The following CFAP20DC variants were observed in gnomAD, a reference collection of about 807,000 sequenced individuals.
CFAP20DC encodes the protein CFAP20 domain containing.
Under a neutral mutation model 101.7 loss-of-function variants are expected in CFAP20DC, and 84 were observed. That is an observed-to-expected ratio of 0.83 (90% CI 0.69 to 0.99). The LOEUF is 0.99. Ranked by LOEUF, CFAP20DC falls within the 50% of genes least tolerant of loss-of-function variation. The probability of loss-of-function intolerance (pLI) is 0.00; values close to 1 mark genes in which losing one functional copy is unlikely to be tolerated. For synonymous variants in CFAP20DC, 359 were observed against 351.2 expected (o/e 1.02, Z -0.25); for missense variants, 1,007 against 970.3 (o/e 1.04, Z -0.50).
At chr3:58,909,488 C>T (rs1576261855) in intron 6 of CFAP20DC, among the ~76,000 whole-genome samples, 1 of 152,274 alleles carries the variant, frequency 6.6e-6, no homozygotes, top group East Asian at 1.9e-4. Context: ...TCCATTAGCA[C>T]TACAACACCA....
chr3:58,932,344 A>T (rs1480868652), intron 5 of CFAP20DC, among the ~76,000 whole-genome samples: 2 of 152,190 alleles, frequency 1.3e-5, no homozygotes, highest in Non-Finnish European at 2.9e-5. Flanking sequence ...GTTGGAAAAC[A>T]CTCTGCAGGA....
chr3:58,736,159 T>C (rs891824702), intron 3 of CFAP20DC, among the ~76,000 whole-genome samples: 3 of 152,138 alleles, frequency 2.0e-5, no homozygotes, highest in South Asian at 2.1e-4. Context: ...ACACAAGTAT[T>C]GGAGGGAAAA....
At chr3:59,042,768 T>C (rs1576818678) in intron 3 of CFAP20DC, among the ~76,000 whole-genome samples, 1 of 152,116 alleles carries the variant, frequency 6.6e-6, no homozygotes, top group East Asian at 1.9e-4. Context: ...GGAGACCAAT[T>C]AGGTTACTAC....
rs553604926 is a variant in CFAP20DC, at chr3:59,047,536, G to A, written c.22-282C>T. Among the ~76,000 whole-genome samples, 112 of 152,230 alleles carry A rather than the reference G, an allele frequency of 7.4e-4. 2 individuals are homozygous for A. Among genetic ancestry groups the A allele is most frequent in the African/African-American group, 2.6e-3 (110 of 41,554 alleles). ...CCTACAGTATCTCAGTGGGGGACTC[G>A]TTTACTTGACACATACAGATCATTC... On this transcript the variant is annotated intron_variant, in intron 1 of 16. Transcript: ENST00000482387.
chr3:58,815,761 G>T (rs1309524179), intron 14 of CFAP20DC, among the ~76,000 whole-genome samples: 2 of 149,952 alleles, frequency 1.3e-5, no homozygotes, highest in Non-Finnish European at 3.0e-5. Context: ...ATGAAAAAAT[G>T]CTCATCATCA....
At chr3:58,823,423 C>G (rs1046327629) in intron 14 of CFAP20DC, among the ~76,000 whole-genome samples, 2 of 152,130 alleles carry the variant, frequency 1.3e-5, no homozygotes, top group African/African-American at 4.8e-5. Context: ...CAACCAGTAT[C>G]TACAATGAAC....
At chr3:58,921,341 G>T (rs2085344641) in intron 5 of CFAP20DC, among the ~76,000 whole-genome samples, 1 of 151,468 alleles carries the variant, frequency 6.6e-6, no homozygotes, top group African/African-American at 2.4e-5. Context: ...TTAATTTTAA[G>T]ACTTTTTTCT....
chr3:58,848,675 A>G (rs2077948064), intron 13 of CFAP20DC, among the ~76,000 whole-genome samples: 1 of 152,172 alleles, frequency 6.6e-6, no homozygotes, highest in Non-Finnish European at 1.5e-5. Context: ...GTTATTGAAA[A>G]TCTGTCAATT....
chr3:58,764,673 A>G (rs534435630), intron 15 of CFAP20DC, among the ~76,000 whole-genome samples: 1 of 152,104 alleles, frequency 6.6e-6, no homozygotes, highest in East Asian at 1.9e-4. Context: ...CCACCCGACT[A>G]TAATCCTTTT....
At chr3:58,944,687 T>G (rs2107903905) in intron 4 of CFAP20DC, among the ~76,000 whole-genome samples, 1 of 152,320 alleles carries the variant, frequency 6.6e-6, no homozygotes, top group South Asian at 2.1e-4. Flanking sequence ...AGATAATACT[T>G]GTTTCTCTGC....
intron 3 of CFAP20DC, chr3:58,726,258 A>G (rs1374337659): frequency 6.6e-6 from 1 of 152,104 alleles, no homozygotes; most frequent in Non-Finnish European, 1.5e-5. Context: ...CATAGATGGG[A>G]TTTTTTGCTC....
chr3:58,921,556 T>C (rs1256441654), intron 5 of CFAP20DC, among the ~76,000 whole-genome samples: 1 of 152,198 alleles, frequency 6.6e-6, no homozygotes, highest in African/African-American at 2.4e-5. Flanking sequence ...TCCAATTATC[T>C]TTTTTATTGA....
In CFAP20DC at chr3:59,001,126, G is replaced by A. The variant is rs575890662; in HGVS notation, c.278+38431C>T. On this transcript the variant is annotated intron_variant, in intron 4 of 16. Transcript: ENST00000482387. This position sits in a 1 kb window ranked among gnomAD's most constrained non-coding sequence, Gnocchi z 4.5. ...AAGAGAGCAAATTCAAAGAGCTGAA[G>A]CCTGCCAAAGGGAAAGAGAAAGAAA... Among the ~76,000 whole-genome samples, 6 of 152,160 alleles carry A rather than the reference G, an allele frequency of 3.9e-5. No individual in the cohort carries two copies. The highest frequency in any genetic ancestry group is 5.9e-5 in the Non-Finnish European group (4 of 68,020).
chr3:58,918,299 C>G (rs1326251160), intron 5 of CFAP20DC, among the ~76,000 whole-genome samples: 1 of 152,050 alleles, frequency 6.6e-6, no homozygotes, highest in African/African-American at 2.4e-5. Context: ...CTTTGAAGTT[C>G]AAGGCATTGC....
intron 3 of CFAP20DC, among the ~76,000 whole-genome samples, chr3:59,043,614 G>GAGACAC (rs1699604177): frequency 1.3e-5 from 2 of 151,918 alleles, no homozygotes; most frequent in South Asian, 4.2e-4. Context: ...CTACTCCCCC[G>GAGACAC]AGACACATCA....
Position 58,724,475 on chromosome 3 carries a change from G to A in CFAP20DC, c.198-6847C>T, listed in dbSNP as rs2067519870. ...GAGAAAGGCACTCCTTTGAAGCACT[G>A]GAATGTGGACAGACGTGTGGGCTCC... On this transcript the variant is annotated intron_variant, in intron 3 of 3. Coordinates refer to the CFAP20DC transcript ENST00000486145. The surrounding 1 kb of genome is among the most constrained non-coding windows in gnomAD (Gnocchi z 5.6). 6.6e-6 allele frequency among the ~76,000 whole-genome samples: 1 copy of A among 152,128 alleles called. No homozygotes were observed. Among genetic ancestry groups the A allele is most frequent in the Admixed American group, 6.6e-5 (1 of 15,266 alleles).
At chr3:58,988,358 A>C (rs552595768) in intron 4 of CFAP20DC, among the ~76,000 whole-genome samples, 2 of 152,278 alleles carry the variant, frequency 1.3e-5, no homozygotes, top group African/African-American at 4.8e-5. Flanking sequence ...CAAAGTAATA[A>C]ATAACTCCCA....
chr3:59,030,746 T>C (rs752772323), intron 4 of CFAP20DC, among the ~76,000 whole-genome samples: 1 of 152,240 alleles, frequency 6.6e-6, no homozygotes, highest in Non-Finnish European at 1.5e-5. Context: ...AACTGCTCTC[T>C]GGCTAGGACT....
intron 15 of CFAP20DC, among the ~76,000 whole-genome samples, chr3:58,757,398 G>A (rs1273272720): frequency 1.3e-5 from 2 of 151,894 alleles, no homozygotes; most frequent in East Asian, 3.9e-4. Context: ...ATATATATAT[G>A]CATGTGCCAT....
Sources: gnomAD v4.1 joint callset for allele counts (sites outside exome capture counted in the v4.1 genomes callset) on GRCh38, gnomAD v4.1.1 for gene constraint, Gnocchi (gnomAD v3.1) non-coding constraint, MANE v1.5 for transcripts, NCBI Gene and HGNC (gene_info 2026-07-23, HGNC 2026-07-21) for gene names.